H3C4: variants seen among roughly 807,000 people sequenced by gnomAD.
H3C4 encodes H3 clustered histone 4.
H3C4 carries 10 observed loss-of-function variants against 8.7 expected under a neutral mutation model. The ratio of observed to expected loss-of-function variants is 1.15; its 90% CI spans 0.71 to 1.96. The LOEUF (loss-of-function observed/expected upper bound fraction) is 1.96. Among genes scored for constraint, H3C4 ranks in the 30% most tolerant of loss-of-function variants. The pLI, the probability that H3C4 is intolerant of heterozygous loss-of-function variation, is 0.00. For synonymous variants in H3C4, 141 were observed against 80.1 expected (o/e 1.76, Z -4.06); for missense variants, 216 against 192.9 (o/e 1.12, Z -0.71).
chr6:26,199,271 A>G (rs1204417910), upstream of H3C4: 2 of 1,580,456 alleles, frequency 1.3e-6, no homozygotes, highest in East Asian at 4.5e-5. Flanking sequence ...GATGTTAAGC[A>G]ATGAAGACAA....
chr6:26,199,279 C>A (rs781161694), upstream of H3C4: 8 of 1,576,656 alleles, frequency 5.1e-6, no homozygotes, highest in African/African-American at 2.8e-5. Flanking sequence ...GCAATGAAGA[C>A]AAAAATGTAA....
upstream of H3C4, chr6:26,197,387 C>T: frequency 5.2e-6 from 4 of 773,420 alleles, no homozygotes; most frequent in East Asian, 2.6e-5. Flanking sequence ...ACGCCCACTC[C>T]CTGACAGAAC....
upstream of H3C4, among the ~76,000 whole-genome samples, chr6:26,197,841 T>C (rs536665627): frequency 8.7e-6 from 1 of 114,916 alleles, no homozygotes; most frequent in South Asian, 2.9e-4. Flanking sequence ...AAAGCACTCT[T>C]ATCTTTTACA....
chr6:26,198,922 C>G (rs1234916788), upstream of H3C4: 1 of 1,614,140 alleles, frequency 6.2e-7, no homozygotes. Context: ...TTGGGCAGAA[C>G]ACCGCCCTGA....
At chr6:26,198,339 TTTTG>T (rs535092834), upstream of H3C4, among the ~76,000 whole-genome samples, 120 of 152,316 alleles carry the variant, frequency 7.9e-4, no homozygotes, top group African/African-American at 2.0e-3. Flanking sequence ...TTTTTTGGGT[TTTTG>T]TTTGTTTTGA....
Position 26,197,133 on chromosome 6 carries a change from G to A in H3C4, c.118C>T (p.His40Tyr). 2 of 1,614,194 alleles carry A rather than the reference G, an allele frequency of 1.2e-6. No individual in the cohort carries two copies. Among genetic ancestry groups the A allele is most frequent in the Non-Finnish European group, 1.7e-6 (2 of 1,180,032 alleles). The change falls in exon 1 of 1, where the codon CAC (histidine) becomes TAC (tyrosine). Residue 40 changes from histidine (H) to tyrosine (Y), a missense_variant. Coordinates refer to ENST00000356476, the MANE Select transcript of H3C4 (RefSeq NM_001376937.1). ...APATGGVKKP[H>Y]RYRPGTVALR... Reference sequence around the variant, plus strand: ...GCCACCGTGCCGGGCCGGTAACGGTGGGGCTTCTTCACGCCGCCGGTGGCT... The same window carrying A: ...GCCACCGTGCCGGGCCGGTAACGGTAGGGCTTCTTCACGCCGCCGGTGGCT...
chr6:26,197,292 TCTAGC>T, upstream of H3C4: 1 of 1,582,764 alleles, frequency 6.3e-7, no homozygotes. Context: ...AAAACGAAAG[TCTAGC>T]CTTTCGTACC....
rs754191024 is a variant in H3C4, at chr6:26,197,211, C to T, written c.40G>A (p.Gly14Arg). The part of the protein sequence containing the change: ...TKQTARKSTG[G>R]KAPRKQLATK... ...GCCAGCTGCTTGCGTGGCGCTTTCC[C>T]ACCCGTGGACTTGCGAGCAGTCTGC... The change falls in exon 1 of 1, where the codon GGG becomes AGG. Residue 14 changes from glycine (G) to arginine (R), a missense_variant. Physicochemically the swap from Gly to Arg is moderately radical, Grantham distance 125. Transcript: ENST00000356476. 6.2e-7 allele frequency: 1 copy of T among 1,613,948 alleles called. No homozygotes were observed. Among genetic ancestry groups the T allele is most frequent in the Non-Finnish European group, 8.5e-7 (1 of 1,179,968 alleles).
At chr6:26,197,287 G>A (rs551972687), upstream of H3C4, 7 of 1,588,776 alleles carry the variant, frequency 4.4e-6, no homozygotes, top group East Asian at 4.5e-5. Context: ...ACGAAAAAAC[G>A]AAAGTCTAGC....
upstream of H3C4, among the ~76,000 whole-genome samples, chr6:26,198,653 G>T (rs561285813): frequency 1.3e-5 from 2 of 152,050 alleles, no homozygotes; most frequent in African/African-American, 4.8e-5. Flanking sequence ...GTATTTTTAT[G>T]GCATCTTTAA....
chr6:26,197,135 G>A lies in H3C4; in HGVS notation c.116C>T (p.Pro39Leu). The change falls in exon 1 of 1, where the codon CCC becomes CTC. Residue 39 changes from proline (P) to leucine (L), a missense_variant. Coordinates refer to ENST00000356476, the MANE Select transcript of H3C4 (RefSeq NM_001376937.1). ...SAPATGGVKK[P>L]HRYRPGTVAL... ...CACCGTGCCGGGCCGGTAACGGTGG[G>A]GCTTCTTCACGCCGCCGGTGGCTGG... 6.2e-7 allele frequency: 1 copy of A among 1,614,138 alleles called. No individual in the cohort carries two copies. Among genetic ancestry groups the A allele is most frequent in the Non-Finnish European group, 8.5e-7 (1 of 1,180,026 alleles).
chr6:26,197,008 A>T lies in H3C4; in HGVS notation c.243T>A (p.Thr81=), dbSNP rs1764984467. 2 of 1,614,218 alleles carry T rather than the reference A, an allele frequency of 1.2e-6. No homozygotes were observed. The highest frequency in any genetic ancestry group is 1.7e-6 in the Non-Finnish European group (2 of 1,180,034). The change falls in exon 1 of 1, where the codon ACT becomes ACA. Residue 81 remains threonine (T), a synonymous_variant. Transcript: ENST00000356476. ...LVREIAQDFK[T]DLRFQSSAVM... is the part of the protein sequence containing the mutation. ...CCGCCGAGCTCTGAAAACGCAGATC[A>T]GTCTTGAAGTCCTGCGCGATCTCAC...
rs747763549 is a variant in H3C4, at chr6:26,197,047, G to C, written c.204C>G (p.Phe68Leu). 6.2e-7 allele frequency: 1 copy of C among 1,614,238 alleles called. No individual in the cohort carries two copies. Among genetic ancestry groups the C allele is most frequent in the Non-Finnish European group, 8.5e-7 (1 of 1,180,046 alleles). Reference protein sequence around the residue: ...STELLIRKLPFQRLVREIAQD... With the variant: ...STELLIRKLPLQRLVREIAQD... ...GCGCGATCTCACGGACTAGACGCTG[G>C]AATGGCAGTTTGCGAATCAGCAGCT... is the stretch of plus-strand genomic sequence containing the variant. The change falls in exon 1 of 1, where the codon TTC becomes TTG. Residue 68 changes from phenylalanine (F) to leucine (L), a missense_variant. Transcript: ENST00000356476.
upstream of H3C4, chr6:26,199,229 G>T (rs776845667): frequency 6.2e-7 from 1 of 1,602,904 alleles, no homozygotes; most frequent in Non-Finnish European, 8.5e-7. Flanking sequence ...CGCCTTGCTT[G>T]CCGCGTCCGG....
upstream of H3C4, chr6:26,198,888 T>C (rs751780330): frequency 4.3e-6 from 7 of 1,614,246 alleles, no homozygotes; most frequent in South Asian, 5.5e-5. Flanking sequence ...CTCAGTCTTC[T>C]TGGGGAGCAG....
upstream of H3C4, among the ~76,000 whole-genome samples, chr6:26,198,466 A>G (rs1765033746): frequency 1.3e-5 from 2 of 152,056 alleles, no homozygotes; most frequent in South Asian, 4.1e-4. Context: ...TAAATAGCTG[A>G]AATTACAGGC....
At chr6:26,199,055 G>A (rs1360441648), upstream of H3C4, 9 of 1,614,230 alleles carry the variant, frequency 5.6e-6, no homozygotes, top group South Asian at 2.2e-5. Context: ...CCAGCTCCAG[G>A]ATCTCGGCGG....
Position 26,197,024 on chromosome 6 carries a change from G to A in H3C4, c.227C>T (p.Ala76Val). 1.2e-6 allele frequency: 2 copies of A among 1,614,226 alleles called. No homozygotes were observed. The highest frequency in any genetic ancestry group is 8.5e-7 in the Non-Finnish European group (1 of 1,180,042). ...ACGCAGATCAGTCTTGAAGTCCTGC[G>A]CGATCTCACGGACTAGACGCTGGAA... is the stretch of plus-strand genomic sequence containing the variant. ...LPFQRLVREI[A>V]QDFKTDLRFQ... The change falls in exon 1 of 1, where the codon GCG becomes GTG. Residue 76 changes from alanine (A) to valine (V), a missense_variant. By Grantham distance (64) the Ala-to-Val change is moderately conservative (BLOSUM62 0). Coordinates refer to ENST00000356476, the MANE Select transcript of H3C4 (RefSeq NM_001376937.1).
chr6:26,199,232 G>A (rs767043422), upstream of H3C4: 46 of 1,596,192 alleles, frequency 2.9e-5, no homozygotes, highest in Admixed American at 5.7e-5. Context: ...CTTGCTTGCC[G>A]CGTCCGGACA....
Sources: gnomAD v4.1 joint callset for allele counts (sites outside exome capture counted in the v4.1 genomes callset) on GRCh38, gnomAD v4.1.1 for gene constraint, MANE v1.5 for transcripts, NCBI Gene and HGNC (gene_info 2026-07-23, HGNC 2026-07-21) for gene names.